Variants in CA10 observed in about 807,000 individuals in gnomAD.
CA10 encodes carbonic anhydrase-related protein 10.
Under a neutral mutation model 44.2 loss-of-function variants are expected in CA10, and 14 were observed. That is an observed-to-expected ratio of 0.32 (90% confidence interval 0.21 to 0.50). The LOEUF (loss-of-function observed/expected upper bound fraction) is 0.50, where lower values mean the gene tolerates loss of function less well. Among genes scored for constraint, CA10 ranks in the 20% least tolerant of loss-of-function variants. The pLI, the probability that CA10 is intolerant of heterozygous loss-of-function variation, is 0.99. For synonymous variants in CA10, 159 were observed against 141.6 expected, an observed-to-expected ratio of 1.12 and a Z score of -0.87; for missense variants, 350 against 409.7, an observed-to-expected ratio of 0.85 and a Z score of 1.26.
intron 2 of CA10, among the ~76,000 whole-genome samples, chr17:51,935,503 G>A (rs1982830741): frequency 6.6e-6 from 1 of 152,086 alleles, no homozygotes; most frequent in South Asian, 2.1e-4. Context: ...ATATAAACTA[G>A]AACACAAAAC....
chr17:51,883,664 C>T (rs1436171845), intron 3 of CA10, among the ~76,000 whole-genome samples: 1 of 152,204 alleles, frequency 6.6e-6, no homozygotes, highest in Admixed American at 6.5e-5. Context: ...TCCCTGGCAG[C>T]TCCATCTTAA....
At chr17:51,775,866 G>A (rs1905798587) in intron 3 of CA10, among the ~76,000 whole-genome samples, 3 of 152,162 alleles carry the variant, frequency 2.0e-5, no homozygotes, top group African/African-American at 7.2e-5. Flanking sequence ...GTGGTACTTG[G>A]GAACCTGAAG....
chr17:51,920,287 G>A (rs1276583070), intron 3 of CA10, among the ~76,000 whole-genome samples: 1 of 152,038 alleles, frequency 6.6e-6, no homozygotes, highest in African/African-American at 2.4e-5. Context: ...TTGGTCATAT[G>A]TATACAGAAC....
intron 2 of CA10, among the ~76,000 whole-genome samples, chr17:52,018,160 A>G (rs1407233043): frequency 6.6e-6 from 1 of 152,142 alleles, no homozygotes; most frequent in Non-Finnish European, 1.5e-5. Context: ...AGCCTTTGCT[A>G]GGGCAGTATA....
chr17:51,914,566 A>T (rs1981918736), intron 3 of CA10, among the ~76,000 whole-genome samples: 1 of 152,172 alleles, frequency 6.6e-6, no homozygotes, highest in Non-Finnish European at 1.5e-5. Flanking sequence ...GCCAAAACAA[A>T]CAGGCTGCAG....
intron 2 of CA10, among the ~76,000 whole-genome samples, chr17:52,028,279 T>C (rs1054091928): frequency 7.9e-5 from 12 of 152,288 alleles, no homozygotes; most frequent in African/African-American, 2.9e-4. Flanking sequence ...GTATTCCCAA[T>C]AGTGAAACTG....
intron 1 of CA10, among the ~76,000 whole-genome samples, chr17:52,096,744 C>G (rs1343278281): frequency 2.0e-5 from 3 of 152,200 alleles, no homozygotes; most frequent in Non-Finnish European, 4.4e-5. Context: ...TCTCCCCTCC[C>G]TTGAGGCATC....
chr17:51,802,886 T>G (rs1169338667), intron 3 of CA10, among the ~76,000 whole-genome samples: 2 of 152,190 alleles, frequency 1.3e-5, no homozygotes, highest in Non-Finnish European at 2.9e-5. Flanking sequence ...TGAATCTGCC[T>G]GTATTTAAGT....
intron 2 of CA10, among the ~76,000 whole-genome samples, chr17:52,059,990 T>C (rs1044699375): frequency 6.6e-6 from 1 of 152,228 alleles, no homozygotes; most frequent in African/African-American, 2.4e-5. Flanking sequence ...CATCATTCAT[T>C]TGTTCTACAA....
intron 7 of CA10, among the ~76,000 whole-genome samples, chr17:51,634,496 T>A (rs1322509453): frequency 9.9e-5 from 15 of 152,182 alleles, no homozygotes; most frequent in Non-Finnish European, 4.4e-5. Flanking sequence ...ACTCCCACAG[T>A]CGTAGAATGT....
At chr17:51,683,327 C>T (rs549945651) in intron 4 of CA10, among the ~76,000 whole-genome samples, 9 of 152,308 alleles carry the variant, frequency 5.9e-5, no homozygotes, top group Admixed American at 6.5e-5. Context: ...GACTGAGTTA[C>T]AGCTCTGTAA....
intron 1 of CA10, among the ~76,000 whole-genome samples, chr17:52,077,306 T>G (rs933785072): frequency 2.0e-5 from 3 of 152,186 alleles, no homozygotes; most frequent in African/African-American, 4.8e-5. Context: ...TGGTGATCCC[T>G]TCTTGCACAG....
At position 51,963,087 on chromosome 17, in the gene CA10, T is replaced by C. The variant is rs1241266153; in HGVS notation, c.137-31955A>G. Among the ~76,000 whole-genome samples the C allele has an allele frequency of 3.3e-5, 5 of 152,136 alleles. No homozygotes were observed. The East Asian group carries it at 7.7e-4, about 23-fold the overall frequency. On this transcript the variant is annotated intron_variant, in intron 2 of 8. Coordinates refer to ENST00000451037, the MANE Select transcript of CA10 (RefSeq NM_020178.5). ...TTAAAAAGAAATCAATCAGAGCTTC[T>C]AGAATTGAAAAACTCAAGGAATTGC... is the stretch of plus-strand genomic sequence containing the variant.
At chr17:51,712,700 T>C (rs1915978689) in intron 4 of CA10, among the ~76,000 whole-genome samples, 1 of 152,224 alleles carries the variant, frequency 6.6e-6, no homozygotes, top group South Asian at 2.1e-4. Flanking sequence ...CCCAATATAG[T>C]GTGCAGGTCA....
chr17:52,148,300 TCTC>T (rs1299029033), intron 1 of CA10, among the ~76,000 whole-genome samples: 1 of 152,036 alleles, frequency 6.6e-6, no homozygotes, highest in Non-Finnish European at 1.5e-5. Context: ...TTCCAAACAA[TCTC>T]CTCAAGTAGG....
chr17:52,063,922 CT>C (rs1987462046), intron 2 of CA10, among the ~76,000 whole-genome samples: 1 of 152,206 alleles, frequency 6.6e-6, no homozygotes, highest in African/African-American at 2.4e-5. Context: ...TGGAATTTCA[CT>C]TCCTTGAGTA....
chr17:51,735,222 A>G (rs1038603817), intron 4 of CA10, among the ~76,000 whole-genome samples: 1 of 152,230 alleles, frequency 6.6e-6, no homozygotes, highest in African/African-American at 2.4e-5. Context: ...ATAAAAAAGA[A>G]CAGAATCATG....
intron 2 of CA10, among the ~76,000 whole-genome samples, chr17:52,008,076 A>G (rs1985662734): frequency 6.6e-6 from 1 of 151,508 alleles, no homozygotes; most frequent in Non-Finnish European, 1.5e-5. Flanking sequence ...TTTTTTCTTA[A>G]TCAGTCTTGC....
chr17:51,721,263 T>C (rs1351635642), intron 4 of CA10, among the ~76,000 whole-genome samples: 1 of 152,042 alleles, frequency 6.6e-6, no homozygotes, highest in Non-Finnish European at 1.5e-5. Flanking sequence ...ACCTGGGAGG[T>C]GGAGGTTGCG....
Sources: gnomAD v4.1 joint callset for allele counts (sites outside exome capture counted in the v4.1 genomes callset) on GRCh38, gnomAD v4.1.1 for gene constraint, MANE v1.5 for transcripts, NCBI Gene and HGNC (gene_info 2026-07-23, HGNC 2026-07-21) for gene names.